MYL6B: variants seen among roughly 807,000 people sequenced by gnomAD.
MYL6B encodes the protein myosin alkali light chain 1 slow a.
A neutral mutation model predicts 24.5 loss-of-function variants in MYL6B; 19 were observed. That is an observed-to-expected ratio of 0.78 (90% CI 0.54 to 1.14). The LOEUF (loss-of-function observed/expected upper bound fraction) is 1.14, where lower values mean the gene tolerates loss of function less well. Ranked by LOEUF, MYL6B falls within the 50% of genes most tolerant of loss-of-function variation. MYL6B has a pLI of 0.00. For missense variants in MYL6B, 230 were observed against 263.8 expected (o/e 0.87, Z 0.89); for synonymous variants, 90 against 100.7 (o/e 0.89, Z 0.64).
chr12:56,154,671 G>A, intron 2 of MYL6B, 142 bp from the exon 3 acceptor site: 1 of 874,746 alleles, frequency 1.1e-6, no homozygotes, highest in South Asian at 1.7e-5. Flanking sequence ...GCCCAGAGCT[G>A]GGAATGGGAC....
chr12:56,155,572 G>C, exon 5 of MYL6B: 2 of 1,613,480 alleles, frequency 1.2e-6, no homozygotes, highest in Non-Finnish European at 1.7e-6. Context: ...GCAGAGCTCA[G>C]ACATGTTCTC....
chr12:56,155,946 A>T, intron 5 of MYL6B: 2 of 1,192,832 alleles, frequency 1.7e-6, no homozygotes, highest in Non-Finnish European at 2.1e-6. Flanking sequence ...AGCAAGAGGC[A>T]TCCATGACCA....
chr12:56,155,797 G>A (rs1592256849), intron 5 of MYL6B: 2 of 1,493,964 alleles, frequency 1.3e-6, no homozygotes, highest in Non-Finnish European at 1.8e-6. Flanking sequence ...GAGGGCAGAG[G>A]AAAAGGGATG....
At chr12:56,152,861 A>C (rs538957841) in intron 1 of MYL6B, among the ~76,000 whole-genome samples, 1 of 152,016 alleles carries the variant, frequency 6.6e-6, no homozygotes, top group African/African-American at 2.4e-5. Flanking sequence ...ATCCTTTCCT[A>C]ATTTACCCCA....
exon 2 of MYL6B, chr12:56,154,050 T>G (rs1592255871): frequency 1.2e-6 from 2 of 1,613,758 alleles, no homozygotes; most frequent in Non-Finnish European, 1.7e-6. Context: ...CCCAGGCCCC[T>G]CAGAAAACCC....
chr12:56,153,208 CT>C (rs1691861073), intron 1 of MYL6B, among the ~76,000 whole-genome samples: 1 of 152,082 alleles, frequency 6.6e-6, no homozygotes, highest in African/African-American at 2.4e-5. Context: ...TAAACCTGAT[CT>C]TTGCCCCCAC....
intron 5 of MYL6B, 181 bp from the exon 6 acceptor site, chr12:56,157,287 G>A: frequency 1.7e-6 from 1 of 589,222 alleles, no homozygotes; most frequent in Non-Finnish European, 3.0e-6. Flanking sequence ...GGGAGGGTGA[G>A]GCAGGAGAAT....
intron 4 of MYL6B, 73 bp downstream of exon 4, chr12:56,155,271 G>T: frequency 6.4e-7 from 1 of 1,560,640 alleles, no homozygotes; most frequent in Admixed American, 1.9e-5. Flanking sequence ...AAAGAATGAG[G>T]TGGATCTCAG....
chr12:56,157,251 C>T, intron 5 of MYL6B: 1 of 502,178 alleles, frequency 2.0e-6, no homozygotes, highest in African/African-American at 1.9e-5. Context: ...AAAAAATTAG[C>T]CGGGCGCCTG....
At chr12:56,153,466 C>T in intron 1 of MYL6B, 1 of 986,300 alleles carries the variant, frequency 1.0e-6, no homozygotes, top group Non-Finnish European at 1.2e-6. Flanking sequence ...GCTCCCAGAC[C>T]ACACTTTAAC....
exon 1 of MYL6B, chr12:56,152,609 G>A (rs1871141122): frequency 6.6e-6 from 1 of 152,126 alleles, no homozygotes; most frequent in Non-Finnish European, 1.5e-5. Context: ...CCCCTCCCCA[G>A]CCCCAGACAC....
At chr12:56,153,316 G>C (rs1330934379) in intron 1 of MYL6B, 12 of 514,030 alleles carry the variant, frequency 2.3e-5, no homozygotes, top group Non-Finnish European at 2.8e-5. Flanking sequence ...AATAGTTCCA[G>C]TTCTTGGCTG....
exon 6 of MYL6B, chr12:56,157,481 TGAG>T: frequency 6.2e-7 from 1 of 1,613,528 alleles, no homozygotes; most frequent in African/African-American, 1.3e-5. Flanking sequence ...AGAAGATGAC[TGAG>T]GAGGAGGTGG....
intron 1 of MYL6B, 108 bp from the exon 2 acceptor site, chr12:56,153,765 A>T (rs1382935691): frequency 1.4e-6 from 1 of 739,790 alleles, no homozygotes; most frequent in Non-Finnish European, 2.2e-6. Context: ...CAGGGGAGTG[A>T]GGGCAGGCGG....
At chr12:56,157,596 C>G (rs1223840593) in intron 6 of MYL6B, 51 bp downstream of exon 6, 11 of 1,612,602 alleles carry the variant, frequency 6.8e-6, no homozygotes, top group East Asian at 6.7e-5. Flanking sequence ...GGCAGCCTGG[C>G]GTCTTGCCGC....
intron 1 of MYL6B, among the ~76,000 whole-genome samples, chr12:56,153,143 GAATGA>G (rs1871171311): frequency 2.0e-5 from 3 of 152,108 alleles, no homozygotes; most frequent in Non-Finnish European, 4.4e-5. Flanking sequence ...TGTTTGTCTT[GAATGA>G]CCGTGGGCTT....
chr12:56,154,569 G>A (rs1871234776), intron 2 of MYL6B, among the ~76,000 whole-genome samples: 1 of 152,212 alleles, frequency 6.6e-6, no homozygotes, highest in Non-Finnish European at 1.5e-5. Context: ...AGGGCTCAGG[G>A]CAATGGAGGG....
chr12:56,154,038 C>T (rs758811530), exon 2 of MYL6B: 7 of 1,614,028 alleles, frequency 4.3e-6, no homozygotes, highest in Non-Finnish European at 5.9e-6. Flanking sequence ...AGCCAGCTGT[C>T]CCCCAGGCCC....
chr12:56,157,744 C>T lies in MYL6B; in HGVS notation c.*18C>T, dbSNP rs1382216566. The T allele has an allele frequency of 1.9e-6, 3 of 1,610,338 alleles. No homozygotes were observed. The highest frequency in any genetic ancestry group is 1.7e-5 in the Admixed American group (1 of 59,948). On this transcript the variant is annotated 3_prime_UTR_variant, in exon 7 of 7. Coordinates refer to ENST00000553066, the Ensembl canonical transcript of MYL6B. ...GCGTCTGAGTGCTGCAGGTAGGGCC[C>T]TCCCACCCCTTCGCCGCGCCTTACG...
Sources: allele counts gnomAD v4.1 joint callset (sites outside exome capture counted in the v4.1 genomes callset), GRCh38; gene constraint gnomAD v4.1.1; transcripts MANE v1.5; gene names NCBI Gene and HGNC (gene_info 2026-07-23, HGNC 2026-07-21).